CACNA2D3: variants seen among roughly 807,000 people sequenced by gnomAD.
CACNA2D3 encodes the protein voltage-dependent calcium channel subunit alpha-2/delta-3.
Under a neutral mutation model 160.6 loss-of-function variants are expected in CACNA2D3, and 60 were observed. The observed-to-expected ratio is 0.37, with a 90% CI of 0.30 to 0.46. The LOEUF (loss-of-function observed/expected upper bound fraction) is 0.46. Ranked by LOEUF, CACNA2D3 falls within the 20% of genes least tolerant of loss-of-function variation. The pLI, the probability that CACNA2D3 is intolerant of heterozygous loss-of-function variation, is 1.00. For synonymous variants in CACNA2D3, 558 were observed against 492.9 expected (o/e 1.13, Z -1.75); for missense variants, 1,205 against 1,365.0 (o/e 0.88, Z 1.85).
At chr3:54,709,921 T>C (rs908078597) in intron 11 of CACNA2D3, among the ~76,000 whole-genome samples, 1 of 152,248 alleles carries the variant, frequency 6.6e-6, no homozygotes, top group Non-Finnish European at 1.5e-5. Flanking sequence ...CAAGACCCTG[T>C]CTCTAAAATA....
intron 2 of CACNA2D3, among the ~76,000 whole-genome samples, chr3:54,275,524 T>C (rs7630520): frequency 0.043 from 6,599 of 152,284 alleles, 470 homozygotes; most frequent in African/African-American, 0.15. Flanking sequence ...ACACCTTAAA[T>C]AGCAAGATGT....
At chr3:54,252,226 G>A (rs1283569916) in intron 2 of CACNA2D3, among the ~76,000 whole-genome samples, 2 of 151,158 alleles carry the variant, frequency 1.3e-5, no homozygotes, top group Non-Finnish European at 2.9e-5. Flanking sequence ...TGATTAGATT[G>A]TCAGAAGTCT....
At chr3:54,700,718 T>A (rs565835548) in intron 11 of CACNA2D3, among the ~76,000 whole-genome samples, 1 of 152,338 alleles carries the variant, frequency 6.6e-6, no homozygotes, top group East Asian at 1.9e-4. Flanking sequence ...TATTAAGTTT[T>A]TATTTAGTTG....
chr3:54,845,006 ACTGTGT>A (rs1698902995), intron 16 of CACNA2D3, among the ~76,000 whole-genome samples: 1 of 152,152 alleles, frequency 6.6e-6, no homozygotes. Context: ...TGCAGCGTTG[ACTGTGT>A]CTGACATTTT....
intron 2 of CACNA2D3, among the ~76,000 whole-genome samples, chr3:54,228,418 CAT>C (rs1701711777): frequency 6.6e-6 from 1 of 152,206 alleles, no homozygotes; most frequent in African/African-American, 2.4e-5. Flanking sequence ...ACACAGAATG[CAT>C]ATGAATCACC....
intron 31 of CACNA2D3, among the ~76,000 whole-genome samples, chr3:54,990,618 G>T (rs922031175): frequency 6.6e-6 from 1 of 152,126 alleles, no homozygotes; most frequent in Non-Finnish European, 1.5e-5. Flanking sequence ...AGCTCCAAGA[G>T]GAGAGCACTA....
At chr3:54,830,163 T>C (rs1703842838) in intron 14 of CACNA2D3, among the ~76,000 whole-genome samples, 1 of 152,152 alleles carries the variant, frequency 6.6e-6, no homozygotes, top group African/African-American at 2.4e-5. Flanking sequence ...CAGGCTGATC[T>C]TGAACTCCTG....
chr3:54,334,959 C>G (rs73841978), intron 3 of CACNA2D3, among the ~76,000 whole-genome samples: 4,021 of 152,232 alleles, frequency 0.026, 181 homozygotes, highest in African/African-American at 0.091. Flanking sequence ...GGAACCTTAA[C>G]TGTAAGATGA....
intron 35 of CACNA2D3, among the ~76,000 whole-genome samples, chr3:55,059,033 C>A (rs2107217817): frequency 1.3e-5 from 2 of 152,314 alleles, no homozygotes; most frequent in South Asian, 4.1e-4. Context: ...TCATGTAATG[C>A]AAGATGTCCA....
At chr3:54,331,087 A>C (rs778493870) in intron 3 of CACNA2D3, among the ~76,000 whole-genome samples, 4 of 152,212 alleles carry the variant, frequency 2.6e-5, no homozygotes, top group Non-Finnish European at 4.4e-5. Flanking sequence ...GAAATAAAAA[A>C]TAATTAATCA....
chr3:54,402,449 A>C (rs1481864819), intron 4 of CACNA2D3, among the ~76,000 whole-genome samples: 1 of 152,204 alleles, frequency 6.6e-6, no homozygotes, highest in Non-Finnish European at 1.5e-5. Flanking sequence ...AAGATATTGC[A>C]TGCAAATGGC....
chr3:54,758,929 G>C (rs937526517), intron 12 of CACNA2D3, among the ~76,000 whole-genome samples: 1 of 152,158 alleles, frequency 6.6e-6, no homozygotes, highest in Non-Finnish European at 1.5e-5. Flanking sequence ...ACAGACTCCT[G>C]GTACCCTTGG....
intron 2 of CACNA2D3, among the ~76,000 whole-genome samples, chr3:54,277,711 A>G (rs1702778580): frequency 6.6e-6 from 1 of 152,154 alleles, no homozygotes; most frequent in Non-Finnish European, 1.5e-5. Flanking sequence ...TCTATAAATT[A>G]CTTTGAGCAG....
chr3:54,293,731 A>T (rs959870063), intron 2 of CACNA2D3, among the ~76,000 whole-genome samples: 2 of 152,188 alleles, frequency 1.3e-5, no homozygotes, highest in Non-Finnish European at 2.9e-5. Flanking sequence ...TTTATATGAC[A>T]TTCTGGAAGA....
At chr3:54,581,689 A>G in intron 8 of CACNA2D3, 114 bp from the exon 9 acceptor site, 1 of 770,292 alleles carries the variant, frequency 1.3e-6, no homozygotes, top group Non-Finnish European at 2.2e-6. Context: ...ATGTGAATAA[A>G]TGGAGCCTGT....
rs928004722 is a variant in CACNA2D3, at chr3:54,324,342, C to T, written c.321+3784C>T. The stretch of plus-strand genomic sequence containing the variant: ...ATCACAGAAAGTCCTATTTTCTCCC[C>T]GTCAGATGTCTGAAGTAAATGTGAA... On this transcript the variant is annotated intron_variant, in intron 3 of 37. Coordinates refer to ENST00000474759, the MANE Select transcript of CACNA2D3 (RefSeq NM_018398.3). Among the ~76,000 whole-genome samples the T allele has an allele frequency of 5.9e-5, 9 of 152,284 alleles. 1 individual carries two copies. In the East Asian group the frequency reaches 1.2e-3, roughly 20 times the overall value.
chr3:54,168,332 A>T (rs1182388906), intron 2 of CACNA2D3, among the ~76,000 whole-genome samples: 1 of 152,214 alleles, frequency 6.6e-6, no homozygotes, highest in Non-Finnish European at 1.5e-5. Context: ...AAGGGTGAGT[A>T]GGTTGTGTTT....
At chr3:54,758,612 A>AAG (rs1702021398) in intron 12 of CACNA2D3, among the ~76,000 whole-genome samples, 1 of 151,996 alleles carries the variant, frequency 6.6e-6, no homozygotes. Context: ...GAGGAGGAGG[A>AAG]AGATGACACA....
intron 11 of CACNA2D3, among the ~76,000 whole-genome samples, chr3:54,659,491 TTCC>T (rs1221457787): frequency 2.6e-5 from 4 of 152,202 alleles, no homozygotes; most frequent in Admixed American, 6.5e-5. Flanking sequence ...TGATCCCCAG[TTCC>T]TCCTCCTCCT....
Sources: allele counts gnomAD v4.1 joint callset (sites outside exome capture counted in the v4.1 genomes callset), GRCh38; gene constraint gnomAD v4.1.1; transcripts MANE v1.5; gene names NCBI Gene and HGNC (gene_info 2026-07-23, HGNC 2026-07-21).